PEMT: variants seen among roughly 807,000 people sequenced by gnomAD.
PEMT encodes the protein phosphatidylethanolamine N-methyltransferase, also known as phospholipid methyltransferase.
PEMT carries 23 observed loss-of-function variants against 27.4 expected under a neutral mutation model. The observed-to-expected ratio is 0.84, with a 90% CI of 0.60 to 1.19. PEMT has a LOEUF of 1.19. PEMT is among the 50% of genes most tolerant of loss of function. The pLI is 0.00. For missense variants in PEMT, 307 were observed against 310.1 expected (o/e 0.99, Z 0.07); for synonymous variants, 137 against 139.1 (o/e 0.98, Z 0.11).
rs564319006 is a variant in PEMT at position 17,591,619 on chromosome 17, C to G, written c.8G>C (p.Arg3Thr). The change falls in exon 1 of 7, where the codon AGA becomes ACA. Residue 3 changes from arginine (R) to threonine (T), a missense_variant. Transcript: ENST00000255389. MK[R>T]SGNPGAEVTN... Reference sequence around the variant, plus strand: ...TACCTCGGCTCCCGGGTTCCCAGATCTCTTCATCCGGGGGCCGCCTCAGGA... The same window carrying G: ...TACCTCGGCTCCCGGGTTCCCAGATGTCTTCATCCGGGGGCCGCCTCAGGA... 1.2e-6 allele frequency: 2 copies of G among 1,612,394 alleles called. No homozygotes were observed. The highest frequency in any genetic ancestry group is 3.3e-5 in the Admixed American group (2 of 59,924).
rs572671874 is a variant in PEMT, at chr17:17,512,554, C to T, written c.421G>A (p.Val141Met). Residue 141 changes from valine (V) to methionine (M), a missense_variant, in exon 4 of 7, where the codon GTG (valine) becomes ATG (methionine). Val to Met is a conservative substitution (Grantham distance 21). Transcript: ENST00000255389. The surrounding 1 kb of genome is among the most constrained non-coding windows in gnomAD (Gnocchi z 6.3). ...LALLGLGVVL[V>M]LSSFFALGFA... ...CCCAGTGCAAAGAAGCTGGAGAGCA[C>T]GAGCACGACGCCCAGTCCCAGGAGC... The T allele has an allele frequency of 2.2e-5, 35 of 1,608,482 alleles. No individual in the cohort carries two copies. Among genetic ancestry groups the T allele is most frequent in the Middle Eastern group, 1.6e-4 (1 of 6,074 alleles).
intron 2 of PEMT, among the ~76,000 whole-genome samples, chr17:17,552,560 G>A (rs1909736074): frequency 6.6e-6 from 1 of 152,230 alleles, no homozygotes; most frequent in Non-Finnish European, 1.5e-5. Flanking sequence ...AGGGCGGTGG[G>A]GAGTCCACCC....
intron 2 of PEMT, among the ~76,000 whole-genome samples, chr17:17,552,213 G>A (rs1419916989): frequency 2.0e-5 from 3 of 152,118 alleles, no homozygotes; most frequent in African/African-American, 4.8e-5. Context: ...TAGGGAGGCT[G>A]AGGCAGGAGA....
chr17:17,516,877 G>A (rs1188297408), intron 3 of PEMT, among the ~76,000 whole-genome samples: 4 of 151,748 alleles, frequency 2.6e-5, no homozygotes, highest in Admixed American at 6.6e-5. Flanking sequence ...CATGGACCCC[G>A]CCCAGTGGCT....
intron 2 of PEMT, among the ~76,000 whole-genome samples, chr17:17,565,549 C>G (rs1319296346): frequency 1.3e-5 from 2 of 152,170 alleles, no homozygotes; most frequent in Non-Finnish European, 2.9e-5. Flanking sequence ...ATGGGGAGGG[C>G]GGGGAGTCAG....
chr17:17,509,660 C>A, intron 4 of PEMT, 115 bp from the exon 5 acceptor site: 1 of 741,238 alleles, frequency 1.3e-6, no homozygotes, highest in Non-Finnish European at 2.4e-6. Flanking sequence ...CAGGGCCCTG[C>A]CCTCCAGGAG....
Position 17,577,243 on chromosome 17 carries a change from G to A in PEMT, c.97-216C>T, listed in dbSNP as rs70959684. On this transcript the variant is annotated intron_variant, in intron 1 of 6. Coordinates refer to ENST00000255389, the MANE Select transcript of PEMT (RefSeq NM_148172.3). ...GTCCTGGGAGGGCGGCCGCAGAAATGTGCCTGGATGCCAGATGAGGAAATC... is the reference window on the plus strand; with the variant it reads ...GTCCTGGGAGGGCGGCCGCAGAAATATGCCTGGATGCCAGATGAGGAAATC... 6.8e-4 allele frequency among the ~76,000 whole-genome samples: 103 copies of A among 152,324 alleles called. 1 individual carries two copies. The East Asian group carries it at 0.018, about 26-fold the overall frequency.
At chr17:17,560,880 G>A (rs942908825) in intron 2 of PEMT, among the ~76,000 whole-genome samples, 7 of 151,688 alleles carry the variant, frequency 4.6e-5, no homozygotes, top group Admixed American at 3.9e-4. Context: ...CTGAGCTTCC[G>A]CTTGTCCTTC....
At chr17:17,549,340 C>A (rs1909485933) in intron 2 of PEMT, among the ~76,000 whole-genome samples, 1 of 152,192 alleles carries the variant, frequency 6.6e-6, no homozygotes, top group African/African-American at 2.4e-5. Context: ...CAGGCACATG[C>A]CACCACACCT....
rs914556517 is a variant in PEMT, at chr17:17,582,663, C to T, written c.97-5636G>A. 6.6e-6 allele frequency among the ~76,000 whole-genome samples: 1 copy of T among 152,220 alleles called. No individual in the cohort carries two copies. Among genetic ancestry groups the T allele is most frequent in the African/African-American group, 2.4e-5 (1 of 41,452 alleles). On this transcript the variant is annotated intron_variant, in intron 1 of 6. Transcript: ENST00000255389. This position sits in a 1 kb window ranked among gnomAD's most constrained non-coding sequence, Gnocchi z 4.9. The stretch of plus-strand genomic sequence containing the variant: ...CCCCAGAGCTGCCCTCATGCCCTGG[C>T]ACCATAAGCTGACTCGGGTAACGTT...
Position 17,577,901 on chromosome 17 carries a change from C to T in PEMT, c.97-874G>A, listed in dbSNP as rs539217304. 2.0e-3 allele frequency among the ~76,000 whole-genome samples: 299 copies of T among 151,598 alleles called. 1 individual carries two copies. Among genetic ancestry groups the T allele is most frequent in the Middle Eastern group, 6.8e-3 (2 of 294 alleles). On this transcript the variant is annotated intron_variant, in intron 1 of 6. Transcript: ENST00000255389. ...GCATGGTGGCGGGCGCCTGTAGTCCCAGCTACTCAGGAGACTGAGGCAGGA... is the reference window on the plus strand; with the variant it reads ...GCATGGTGGCGGGCGCCTGTAGTCCTAGCTACTCAGGAGACTGAGGCAGGA...
upstream of PEMT, chr17:17,591,791 C>T: frequency 7.0e-7 from 1 of 1,424,816 alleles, no homozygotes; most frequent in Non-Finnish European, 9.2e-7. Flanking sequence ...CCGCGAAGTG[C>T]CTCTTTATCT....
At chr17:17,525,184 C>G (rs148525742) in intron 2 of PEMT, among the ~76,000 whole-genome samples, 193 of 152,328 alleles carry the variant, frequency 1.3e-3, no homozygotes, top group African/African-American at 4.2e-3. Flanking sequence ...TACAGCCCCC[C>G]TCCCCCAACA....
chr17:17,586,216 A>AAAAG (rs745534134), intron 1 of PEMT, among the ~76,000 whole-genome samples: 3,678 of 79,206 alleles, frequency 0.046, 273 homozygotes, highest in East Asian at 0.067. Flanking sequence ...GAAAGAAAGA[A>AAAAG]AAAGAAAGAA....
intron 1 of PEMT, 74 bp downstream of exon 1, chr17:17,591,457 C>T (rs1912584501): frequency 2.4e-6 from 3 of 1,270,670 alleles, no homozygotes; most frequent in East Asian, 5.4e-5. Flanking sequence ...GTTTGAGGCG[C>T]CGCAAGCCTT....
In PEMT at chr17:17,522,270, C is replaced by T. The variant is rs770832045; in HGVS notation, c.320+10G>A. Reference sequence around the variant, plus strand: ...GGGTTGTGGCTCCCCAGTGAGAGAGCTGTGCTTACCAGTGCGAGCGCAGGA... The same window carrying T: ...GGGTTGTGGCTCCCCAGTGAGAGAGTTGTGCTTACCAGTGCGAGCGCAGGA... On this transcript the variant is annotated intron_variant, in intron 3 of 6. Coordinates refer to ENST00000255389, the MANE Select transcript of PEMT (RefSeq NM_148172.3). 2.1e-5 allele frequency: 34 copies of T among 1,592,400 alleles called. No homozygotes were observed. Among genetic ancestry groups the T allele is most frequent in the Non-Finnish European group, 2.8e-5 (33 of 1,160,286 alleles).
intron 2 of PEMT, among the ~76,000 whole-genome samples, chr17:17,526,177 T>C (rs546539206): frequency 6.6e-6 from 1 of 152,270 alleles, no homozygotes; most frequent in African/African-American, 2.4e-5. Context: ...AGCTGAGCTC[T>C]GGAACACACA....
At chr17:17,537,465 C>G (rs2142584332) in intron 2 of PEMT, among the ~76,000 whole-genome samples, 1 of 152,370 alleles carries the variant, frequency 6.6e-6, no homozygotes, top group East Asian at 1.9e-4. Context: ...CCAAGCCTAG[C>G]CCAGCCCAGC....
intron 2 of PEMT, among the ~76,000 whole-genome samples, chr17:17,549,857 C>T (rs796748430): frequency 2.6e-4 from 39 of 152,330 alleles, no homozygotes; most frequent in African/African-American, 8.2e-4. Context: ...GGCACGTCCT[C>T]GTCTGGGCCA....
Sources: gnomAD v4.1 joint callset for allele counts (sites outside exome capture counted in the v4.1 genomes callset) on GRCh38, gnomAD v4.1.1 for gene constraint, Gnocchi (gnomAD v3.1) non-coding constraint, MANE v1.5 for transcripts, NCBI Gene and HGNC (gene_info 2026-07-23, HGNC 2026-07-21) for gene names.